NAA16: variants seen among roughly 807,000 people sequenced by gnomAD.
NAA16 encodes the protein NARG1-like protein.
A neutral mutation model predicts 110.3 loss-of-function variants in NAA16; 97 were observed. That is an observed-to-expected ratio of 0.88 (90% CI 0.75 to 1.04). The LOEUF is 1.04. NAA16 is among the 50% of genes least tolerant of loss of function. NAA16 has a pLI of 0.00. For missense variants in NAA16, 1,017 were observed against 1,005.1 expected (o/e 1.01, Z -0.16); for synonymous variants, 372 against 330.6 (o/e 1.13, Z -1.36).
At position 41,325,688 on chromosome 13, in the gene NAA16, T is replaced by G. The variant is rs1049990519; in HGVS notation, c.538-10T>G. On this transcript the variant is annotated splice_polypyrimidine_tract_variant and intron_variant, in intron 5 of 19. Transcript: ENST00000379406. The stretch of plus-strand genomic sequence containing the variant: ...TATACAAATAAAGTAATTTGGTCAT[T>G]TTTTTTCAGGTTCCTCCAAACAAAA... The G allele has an allele frequency of 6.5e-7, 1 of 1,545,360 alleles. No individual in the cohort carries two copies. The highest frequency in any genetic ancestry group is 8.8e-7 in the Non-Finnish European group (1 of 1,137,262).
intron 15 of NAA16, among the ~76,000 whole-genome samples, chr13:41,371,682 A>G (rs1025799158): frequency 1.3e-4 from 20 of 152,198 alleles, no homozygotes; most frequent in African/African-American, 4.6e-4. Context: ...TGTTCATGTT[A>G]TTGGTAAGGC....
At chr13:41,371,987 G>C (rs1268334791) in intron 15 of NAA16, among the ~76,000 whole-genome samples, 1 of 151,970 alleles carries the variant, frequency 6.6e-6, no homozygotes, top group African/African-American at 2.4e-5. Context: ...AAATGATCTT[G>C]ATTTTGTAAC....
chr13:41,323,336 G>A, intron 5 of NAA16, 146 bp downstream of exon 5: 1 of 765,952 alleles, frequency 1.3e-6, no homozygotes, highest in South Asian at 1.9e-5. Flanking sequence ...TTAAAATGTA[G>A]GATTATTTTT....
intron 3 of NAA16, 73 bp from the exon 4 acceptor site, chr13:41,320,594 T>A (rs2041920933): frequency 1.5e-6 from 2 of 1,338,682 alleles, no homozygotes; most frequent in Admixed American, 5.3e-5. Context: ...TTCCTTAATG[T>A]AACTTTTATA....
intron 13 of NAA16, 122 bp from the exon 14 acceptor site, chr13:41,367,317 G>A (rs1411249987): frequency 3.1e-6 from 2 of 641,384 alleles, no homozygotes; most frequent in African/African-American, 1.8e-5. Flanking sequence ...ATTGGAGAGG[G>A]CAGCTAAGTG....
At chr13:41,313,020 A>G (rs1414974254) in intron 1 of NAA16, among the ~76,000 whole-genome samples, 1 of 152,028 alleles carries the variant, frequency 6.6e-6, no homozygotes, top group African/African-American at 2.4e-5. Flanking sequence ...AACATTAATG[A>G]TAATATCATT....
chr13:41,336,475 T>C (rs1294122391), intron 8 of NAA16, among the ~76,000 whole-genome samples, 175 bp from the exon 9 acceptor site: 6 of 152,226 alleles, frequency 3.9e-5, no homozygotes, highest in Admixed American at 3.9e-4. Context: ...TATTTGATAT[T>C]GTGCTAAATT....
intron 1 of NAA16, among the ~76,000 whole-genome samples, chr13:41,311,985 C>T (rs953825313): frequency 6.6e-6 from 1 of 152,206 alleles, no homozygotes; most frequent in Non-Finnish European, 1.5e-5. Flanking sequence ...AGGTGTTTTG[C>T]GTTCTGCATT....
At chr13:41,373,259 GTTTT>G (rs2043357941) in intron 17 of NAA16, 2 of 756,788 alleles carry the variant, frequency 2.6e-6, no homozygotes, top group Admixed American at 6.3e-5. Context: ...TTGTTGTTGT[GTTTT>G]TTGTTTTTTT....
At chr13:41,326,495 C>T (rs1317217776) in intron 6 of NAA16, among the ~76,000 whole-genome samples, 1 of 152,108 alleles carries the variant, frequency 6.6e-6, no homozygotes, top group African/African-American at 2.4e-5. Flanking sequence ...TTTTAAAACT[C>T]TTCTTCTATT....
intron 7 of NAA16, among the ~76,000 whole-genome samples, chr13:41,329,529 T>C (rs1244258514): frequency 1.3e-5 from 2 of 151,406 alleles, no homozygotes; most frequent in Non-Finnish European, 3.0e-5. Context: ...TTTTTTAGAA[T>C]TTTTAAATTT....
chr13:41,315,548 T>G (rs2041785347), intron 1 of NAA16, among the ~76,000 whole-genome samples: 1 of 152,180 alleles, frequency 6.6e-6, no homozygotes, highest in African/African-American at 2.4e-5. Context: ...GGAGTTTCAG[T>G]TTCCACATCT....
chr13:41,357,869 G>A (rs1480208210), intron 10 of NAA16, among the ~76,000 whole-genome samples: 2 of 152,190 alleles, frequency 1.3e-5, no homozygotes, highest in Admixed American at 6.5e-5. Flanking sequence ...GGGTATCCCT[G>A]ATTTAGTATT....
At chr13:41,366,835 C>T (rs1157280751) in intron 13 of NAA16, among the ~76,000 whole-genome samples, 1 of 152,006 alleles carries the variant, frequency 6.6e-6, no homozygotes, top group African/African-American at 2.4e-5. Flanking sequence ...TTTCTTTATT[C>T]TTAACTTAGA....
intron 13 of NAA16, among the ~76,000 whole-genome samples, chr13:41,363,546 A>C (rs1473966467): frequency 6.6e-6 from 1 of 152,162 alleles, no homozygotes; most frequent in African/African-American, 2.4e-5. Context: ...TGATAAGTGG[A>C]TCTTCCATTA....
Position 41,325,885 on chromosome 13 carries a change from A to G in NAA16, c.691+34A>G, listed in dbSNP as rs747617430. ...GCTTGCCTTTTTTTAATAGCCTCAA[A>G]CAGAAAACAAAAAAACTATATATTT... is the stretch of plus-strand genomic sequence containing the variant. On this transcript the variant is annotated intron_variant, in intron 6 of 19. Coordinates refer to ENST00000379406, the MANE Select transcript of NAA16 (RefSeq NM_024561.5). 4.5e-6 allele frequency: 7 copies of G among 1,543,718 alleles called. No individual in the cohort carries two copies. In the South Asian group the frequency reaches 7.3e-5, roughly 16 times the overall value.
At chr13:41,363,558 T>G (rs1566295976) in intron 13 of NAA16, among the ~76,000 whole-genome samples, 1 of 152,222 alleles carries the variant, frequency 6.6e-6, no homozygotes. Flanking sequence ...CTTCCATTAC[T>G]GAGTTTCATT....
chr13:41,318,489 A>G (rs2041865457), intron 2 of NAA16, among the ~76,000 whole-genome samples: 1 of 152,204 alleles, frequency 6.6e-6, no homozygotes, highest in African/African-American at 2.4e-5. Flanking sequence ...GGCGTGAGCC[A>G]TTGCACCTGG....
At chr13:41,333,325 T>G (rs911204484) in intron 8 of NAA16, among the ~76,000 whole-genome samples, 1 of 152,198 alleles carries the variant, frequency 6.6e-6, no homozygotes, top group African/African-American at 2.4e-5. Context: ...TGCAATTCAG[T>G]GTTTTAGTAT....
Sources: gnomAD v4.1 joint callset for allele counts (sites outside exome capture counted in the v4.1 genomes callset) on GRCh38, gnomAD v4.1.1 for gene constraint, MANE v1.5 for transcripts, NCBI Gene and HGNC (gene_info 2026-07-23, HGNC 2026-07-21) for gene names.